Variants in CDC5L observed in about 807,000 individuals in gnomAD.
CDC5L encodes cell division cycle 5 like, also known as cell division cycle 5-like protein.
CDC5L carries 18 observed loss-of-function variants against 104.1 expected under a neutral mutation model. That is an observed-to-expected ratio of 0.17 (90% CI 0.12 to 0.26). The LOEUF (loss-of-function observed/expected upper bound fraction) is 0.26. CDC5L is among the 10% of genes least tolerant of loss of function. The pLI is 1.00. For missense variants in CDC5L, 673 were observed against 956.9 expected (o/e 0.70, Z 3.91); for synonymous variants, 331 against 322.7 (o/e 1.03, Z -0.28).
chr6:44,395,337 A>C (rs1395243312), intron 4 of CDC5L, among the ~76,000 whole-genome samples: 1 of 152,216 alleles, frequency 6.6e-6, no homozygotes, highest in Non-Finnish European at 1.5e-5. Flanking sequence ...TATGCATGTA[A>C]CAAACTCTCA....
intron 14 of CDC5L, among the ~76,000 whole-genome samples, chr6:44,430,599 A>T (rs1238982780): frequency 3.5e-5 from 5 of 143,452 alleles, no homozygotes; most frequent in Non-Finnish European, 6.0e-5. Flanking sequence ...TTTGAGACCT[A>T]GTCTCAGTCT....
At position 44,414,705 on chromosome 6, in the gene CDC5L, C is replaced by A. The variant is rs115234300; in HGVS notation, c.1093-4744C>A. 7.9e-3 allele frequency among the ~76,000 whole-genome samples: 1,205 copies of A among 152,180 alleles called. 21 individuals are homozygous for A. Among genetic ancestry groups the A allele is most frequent in the African/African-American group, 0.028 (1,152 of 41,516 alleles). On this transcript the variant is annotated intron_variant, in intron 8 of 15. Coordinates refer to ENST00000371477, the MANE Select transcript of CDC5L (RefSeq NM_001253.4). ...AGTTCCTTATCTGATATATAACTTG[C>A]AGATGTTTCCTCTCATTTTGTAGGT...
In CDC5L at chr6:44,393,458, C is replaced by G. The variant is rs1790713447; in HGVS notation, c.324C>G (p.Ala108=). Residue 108 remains alanine (A), a synonymous_variant, in exon 4 of 16, where the codon GCC becomes GCG. Transcript: ENST00000371477. The part of the protein sequence containing the change: ...EHYEFLLDKA[A]QRDNEEETTD... The stretch of plus-strand genomic sequence containing the variant: ...GGCTTTTTTCTAGGGATAAAGCTGC[C>G]CAAAGAGACAATGAAGAGGAAACAA... 1.2e-6 allele frequency: 2 copies of G among 1,613,176 alleles called. No homozygotes were observed. Among genetic ancestry groups the G allele is most frequent in the Non-Finnish European group, 8.5e-7 (1 of 1,179,696 alleles).
intron 4 of CDC5L, among the ~76,000 whole-genome samples, chr6:44,394,523 A>G (rs1790760484): frequency 6.6e-6 from 1 of 152,158 alleles, no homozygotes. Context: ...TAGAAAGTAT[A>G]TGGAATCAAC....
intron 14 of CDC5L, among the ~76,000 whole-genome samples, chr6:44,431,903 T>G (rs1255317656): frequency 6.6e-6 from 1 of 152,234 alleles, no homozygotes; most frequent in African/African-American, 2.4e-5. Flanking sequence ...GTTGAAGGAT[T>G]GGTGATTTTG....
chr6:44,416,022 T>C (rs1308914841), intron 8 of CDC5L, among the ~76,000 whole-genome samples: 2 of 152,194 alleles, frequency 1.3e-5, no homozygotes, highest in African/African-American at 4.8e-5. Context: ...GTCTGTTCTA[T>C]GTGTGATAAA....
At chr6:44,394,961 T>C (rs564989567) in intron 4 of CDC5L, among the ~76,000 whole-genome samples, 1 of 149,768 alleles carries the variant, frequency 6.7e-6, no homozygotes, top group Non-Finnish European at 1.5e-5. Context: ...TCATGTCATT[T>C]GCAGCAACAT....
At chr6:44,436,250 C>T (rs1336634915) in intron 14 of CDC5L, among the ~76,000 whole-genome samples, 1 of 152,164 alleles carries the variant, frequency 6.6e-6, no homozygotes, top group Non-Finnish European at 1.5e-5. Flanking sequence ...TGGTTTGATA[C>T]TATGAGGTAT....
intron 9 of CDC5L, among the ~76,000 whole-genome samples, chr6:44,420,247 G>A (rs1792101917): frequency 6.6e-6 from 1 of 151,922 alleles, no homozygotes; most frequent in Admixed American, 6.6e-5. Flanking sequence ...GGGACCTTCT[G>A]AAAACCACAC....
intron 6 of CDC5L, among the ~76,000 whole-genome samples, chr6:44,405,675 GCA>G (rs1197684114): frequency 2.0e-5 from 3 of 151,862 alleles, no homozygotes; most frequent in Admixed American, 2.0e-4. Context: ...TTTCCTATGT[GCA>G]CACGTTTTTA....
At position 44,388,021 on chromosome 6, in the gene CDC5L, T is replaced by C. The variant is rs112172664; in HGVS notation, c.45+153T>C. On this transcript the variant is annotated intron_variant, in intron 1 of 15. Transcript: ENST00000371477. ...ACCCTTGGGGCCCTTTCCGTGTGTCTGGCCCCGTGTTGTGCGAGCGCCAGT... is the reference window on the plus strand; with the variant it reads ...ACCCTTGGGGCCCTTTCCGTGTGTCCGGCCCCGTGTTGTGCGAGCGCCAGT... Among the ~76,000 whole-genome samples the C allele has an allele frequency of 6.2e-3, 950 of 152,240 alleles. 2 individuals carry two copies. Among genetic ancestry groups the C allele is most frequent in the African/African-American group, 0.021 (888 of 41,552 alleles).
intron 13 of CDC5L, among the ~76,000 whole-genome samples, chr6:44,426,981 C>G (rs1485359729): frequency 6.6e-6 from 1 of 152,096 alleles, no homozygotes; most frequent in Non-Finnish European, 1.5e-5. Context: ...TTAATGGCTT[C>G]GTTGACAGTT....
chr6:44,442,027 C>T (rs1051108898), intron 14 of CDC5L, among the ~76,000 whole-genome samples: 1 of 149,916 alleles, frequency 6.7e-6, no homozygotes, highest in Non-Finnish European at 1.5e-5. Context: ...ACCTCTACCT[C>T]CTGGGTTCAA....
At chr6:44,412,922 A>C (rs1011367568) in intron 8 of CDC5L, among the ~76,000 whole-genome samples, 22 of 149,852 alleles carry the variant, frequency 1.5e-4, no homozygotes, top group Non-Finnish European at 2.7e-4. Flanking sequence ...AGCTGGGACT[A>C]CAGGCGCCCG....
At chr6:44,417,658 C>T (rs1268802862) in intron 8 of CDC5L, among the ~76,000 whole-genome samples, 2 of 152,146 alleles carry the variant, frequency 1.3e-5, no homozygotes, top group African/African-American at 4.8e-5. Context: ...GCACTGAGGA[C>T]AGGGTTACAG....
At chr6:44,441,327 T>G (rs1472051199) in intron 14 of CDC5L, among the ~76,000 whole-genome samples, 1 of 152,262 alleles carries the variant, frequency 6.6e-6, no homozygotes, top group African/African-American at 2.4e-5. Context: ...GATTTCCTGT[T>G]TTTTAAAGAC....
intron 4 of CDC5L, 109 bp from the exon 5 acceptor site, chr6:44,396,232 T>G: frequency 3.3e-6 from 2 of 602,574 alleles, no homozygotes; most frequent in South Asian, 4.6e-5. Context: ...AATCAGTATT[T>G]TTATGTTTTT....
In CDC5L at chr6:44,387,721, T is replaced by A. The variant is rs1790389704; in HGVS notation, c.-103T>A. The A allele has an allele frequency of 9.7e-7, 1 of 1,027,368 alleles. No homozygotes were observed. Among genetic ancestry groups the A allele is most frequent in the South Asian group, 1.4e-5 (1 of 73,158 alleles). 63.6% of individuals were successfully genotyped at this position (1,027,368 alleles called of 1,614,324 possible). ...TTGCGCAGATCTTCAAAGCAGAAGG[T>A]CGCGCTTGGAGGAAGTGGCGGCTTT... On this transcript the variant is annotated 5_prime_UTR_variant, in exon 1 of 16. Transcript: ENST00000371477.
chr6:44,396,447 G>C lies in CDC5L; in HGVS notation c.539+7G>C. The C allele has an allele frequency of 1.9e-6, 3 of 1,552,056 alleles. No individual in the cohort carries two copies. Among genetic ancestry groups the C allele is most frequent in the Non-Finnish European group, 2.7e-6 (3 of 1,131,052 alleles). On this transcript the variant is annotated splice_region_variant and intron_variant, in intron 5 of 15. Transcript: ENST00000371477. ...AACAATTGGAAGAAGCAAGGTATGT[G>C]TGGATATAGGAATAAAAAGCAAAGT...
Sources: allele counts gnomAD v4.1 joint callset (sites outside exome capture counted in the v4.1 genomes callset), GRCh38; gene constraint gnomAD v4.1.1; transcripts MANE v1.5; gene names NCBI Gene and HGNC (gene_info 2026-07-23, HGNC 2026-07-21).